Variants in DPP10 observed in about 807,000 individuals in gnomAD.
The protein encoded by DPP10 is inactive dipeptidyl peptidase 10.
In DPP10, 33 loss-of-function variants were observed where a neutral mutation model predicts 120.9. The ratio of observed to expected loss-of-function variants is 0.27; its 90% CI spans 0.21 to 0.37. DPP10 has a LOEUF of 0.37. DPP10 is among the 10% of genes least tolerant of loss of function. DPP10 has a pLI of 1.00. For synonymous variants in DPP10, 337 were observed against 326.1 expected, an observed-to-expected ratio of 1.03 and a Z score of -0.36; for missense variants, 816 against 942.8, an observed-to-expected ratio of 0.87 and a Z score of 1.76.
intron 1 of DPP10, among the ~76,000 whole-genome samples, chr2:114,558,616 T>G (rs1445117755): frequency 1.3e-5 from 2 of 152,254 alleles, no homozygotes; most frequent in African/African-American, 4.8e-5. Context: ...AGCAGAAATT[T>G]TCATCCTTCC....
chr2:115,554,738 G>T (rs2080103279), intron 5 of DPP10, among the ~76,000 whole-genome samples: 1 of 152,060 alleles, frequency 6.6e-6, no homozygotes, highest in South Asian at 2.1e-4. Flanking sequence ...GTTCTGTTCT[G>T]CAGGCAGTCT....
At chr2:115,116,128 A>C (rs1307498760) in intron 1 of DPP10, among the ~76,000 whole-genome samples, 1 of 150,916 alleles carries the variant, frequency 6.6e-6, no homozygotes, top group Non-Finnish European at 1.5e-5. Flanking sequence ...AATAGACACA[A>C]TGATTAAGTT....
At chr2:115,149,142 T>C (rs957666095) in intron 1 of DPP10, among the ~76,000 whole-genome samples, 2 of 152,174 alleles carry the variant, frequency 1.3e-5, no homozygotes, top group Non-Finnish European at 2.9e-5. Context: ...TTCCAGCAAG[T>C]GGCAGCAGGA....
chr2:115,060,845 C>T (rs556437043), intron 1 of DPP10, among the ~76,000 whole-genome samples: 29 of 152,272 alleles, frequency 1.9e-4, no homozygotes, highest in African/African-American at 6.0e-4. Context: ...AGATGCTCCT[C>T]AAATTTTTAA....
intron 1 of DPP10, among the ~76,000 whole-genome samples, chr2:115,307,470 T>C (rs1354093807): frequency 6.6e-6 from 1 of 152,140 alleles, no homozygotes; most frequent in East Asian, 1.9e-4. Flanking sequence ...AACAATAATA[T>C]GTGCTTGCTT....
At chr2:115,206,172 T>G (rs1391778336) in intron 1 of DPP10, among the ~76,000 whole-genome samples, 1 of 152,200 alleles carries the variant, frequency 6.6e-6, no homozygotes, top group Non-Finnish European at 1.5e-5. Context: ...TACACCTATT[T>G]CCTTACGGAC....
chr2:115,682,662 C>G (rs1167086851), intron 5 of DPP10, among the ~76,000 whole-genome samples: 2 of 151,770 alleles, frequency 1.3e-5, no homozygotes, highest in African/African-American at 4.8e-5. Flanking sequence ...TGAATTATAT[C>G]CTAGGCAGAA....
intron 3 of DPP10, among the ~76,000 whole-genome samples, chr2:115,450,927 A>C (rs1438303317): frequency 6.6e-6 from 1 of 151,928 alleles, no homozygotes; most frequent in African/African-American, 2.4e-5. Flanking sequence ...TTAGTTTATA[A>C]AATGCTGTTT....
At chr2:115,163,359 A>G (rs1049257759) in intron 1 of DPP10, among the ~76,000 whole-genome samples, 5 of 151,950 alleles carry the variant, frequency 3.3e-5, no homozygotes, top group Non-Finnish European at 7.4e-5. Context: ...CTTTTCTCTC[A>G]CATGTGTTTC....
At chr2:114,807,805 G>A (rs539687454) in intron 1 of DPP10, among the ~76,000 whole-genome samples, 1 of 152,312 alleles carries the variant, frequency 6.6e-6, no homozygotes, top group South Asian at 2.1e-4. Flanking sequence ...TTCAAACAAA[G>A]TATAGCTTGG....
intron 3 of DPP10, among the ~76,000 whole-genome samples, chr2:115,382,324 G>C (rs909849605): frequency 1.3e-5 from 2 of 152,034 alleles, no homozygotes; most frequent in Non-Finnish European, 2.9e-5. Context: ...TGATTTTCCA[G>C]GTGCCGTCTG....
chr2:115,381,032 T>C (rs993020244), intron 3 of DPP10, among the ~76,000 whole-genome samples: 7 of 152,184 alleles, frequency 4.6e-5, no homozygotes, highest in African/African-American at 1.4e-4. Context: ...TTATGTGTCT[T>C]AGAGTTGCTC....
chr2:114,529,333 A>C (rs1020533201), intron 1 of DPP10, among the ~76,000 whole-genome samples: 4 of 152,154 alleles, frequency 2.6e-5, no homozygotes, highest in Non-Finnish European at 5.9e-5. Flanking sequence ...CCCACTTCAA[A>C]ACTGCTCTTC....
chr2:115,772,715 C>T (rs1439711070), intron 13 of DPP10, among the ~76,000 whole-genome samples: 1 of 152,136 alleles, frequency 6.6e-6, no homozygotes, highest in Non-Finnish European at 1.5e-5. Flanking sequence ...TGACTTCAAA[C>T]TTCTGAATTC....
At chr2:114,515,178 C>T (rs1684491175) in intron 1 of DPP10, among the ~76,000 whole-genome samples, 2 of 152,128 alleles carry the variant, frequency 1.3e-5, no homozygotes, top group Non-Finnish European at 2.9e-5. Context: ...GTTTACTTCC[C>T]AATATTCTAC....
chr2:115,687,938 C>A (rs1184865474), intron 5 of DPP10, among the ~76,000 whole-genome samples: 6 of 151,974 alleles, frequency 3.9e-5, no homozygotes, highest in African/African-American at 1.4e-4. Context: ...TACCCTCTTT[C>A]CCCCCACGAT....
chr2:114,887,576 C>A (rs1692176757), intron 1 of DPP10, among the ~76,000 whole-genome samples: 1 of 152,180 alleles, frequency 6.6e-6, no homozygotes, highest in African/African-American at 2.4e-5. Flanking sequence ...AAGCAGGTTG[C>A]TCACCTTCCA....
intron 1 of DPP10, among the ~76,000 whole-genome samples, chr2:114,939,960 A>G (rs1042905493): frequency 6.6e-6 from 1 of 152,212 alleles, no homozygotes; most frequent in African/African-American, 2.4e-5. Context: ...CTGTTAGTCT[A>G]CAGTGGATCA....
chr2:115,785,649 G>C (rs796838140), intron 17 of DPP10, among the ~76,000 whole-genome samples: 12 of 152,158 alleles, frequency 7.9e-5, no homozygotes, highest in African/African-American at 2.9e-4. Context: ...GTCTCTGAAG[G>C]CTTTTTGTAT....
Sources: allele counts gnomAD v4.1 joint callset (sites outside exome capture counted in the v4.1 genomes callset), GRCh38; gene constraint gnomAD v4.1.1; transcripts MANE v1.5; gene names NCBI Gene and HGNC (gene_info 2026-07-23, HGNC 2026-07-21).